The following PLPPR5 variants were observed in gnomAD, a reference collection of about 807,000 sequenced individuals.
PLPPR5 encodes the protein phospholipid phosphatase-related protein type 5.
A neutral mutation model predicts 33.9 loss-of-function variants in PLPPR5; 16 were observed. That is an observed-to-expected ratio of 0.47 (90% CI 0.32 to 0.72). PLPPR5 has a LOEUF of 0.72. PLPPR5 is among the 30% of genes least tolerant of loss of function. PLPPR5 has a pLI of 0.03. For synonymous variants in PLPPR5, 163 were observed against 150.3 expected, an observed-to-expected ratio of 1.08 and a Z score of -0.62; for missense variants, 301 against 406.7, an observed-to-expected ratio of 0.74 and a Z score of 2.23.
At chr1:98,911,752 C>A (rs1004819575) in intron 5 of PLPPR5, among the ~76,000 whole-genome samples, 7 of 151,736 alleles carry the variant, frequency 4.6e-5, no homozygotes, top group African/African-American at 1.5e-4. Context: ...ATTTCACAAC[C>A]CTTTTTTTTT....
At chr1:98,962,936 A>T (rs887207823) in intron 1 of PLPPR5, among the ~76,000 whole-genome samples, 1 of 152,180 alleles carries the variant, frequency 6.6e-6, no homozygotes, top group African/African-American at 2.4e-5. Flanking sequence ...GGCATGAGCC[A>T]CCACACCCAG....
At chr1:98,896,421 T>G (rs2101131077) in intron 5 of PLPPR5, among the ~76,000 whole-genome samples, 1 of 152,216 alleles carries the variant, frequency 6.6e-6, no homozygotes, top group Non-Finnish European at 1.5e-5. Flanking sequence ...AAAAAAGCAG[T>G]AGGCAAACCA....
intron 1 of PLPPR5, among the ~76,000 whole-genome samples, chr1:98,992,579 T>G (rs1458985847): frequency 6.6e-6 from 1 of 152,166 alleles, no homozygotes; most frequent in Non-Finnish European, 1.5e-5. Context: ...AAGTTTCAAA[T>G]GTAGTGTTAC....
chr1:98,944,394 T>C (rs1263276190), intron 3 of PLPPR5, among the ~76,000 whole-genome samples: 1 of 152,200 alleles, frequency 6.6e-6, no homozygotes, highest in Non-Finnish European at 1.5e-5. Flanking sequence ...CAAATTTATA[T>C]GTTGAGATCC....
chr1:98,936,660 G>A (rs1029775129), intron 3 of PLPPR5, among the ~76,000 whole-genome samples: 3 of 152,172 alleles, frequency 2.0e-5, no homozygotes, highest in African/African-American at 7.2e-5. Flanking sequence ...AGGTGTATCA[G>A]ACAGTCTCTG....
At chr1:98,964,219 T>C (rs771248558) in intron 1 of PLPPR5, among the ~76,000 whole-genome samples, 5 of 152,242 alleles carry the variant, frequency 3.3e-5, no homozygotes, top group African/African-American at 7.2e-5. Context: ...TAAAACTTCC[T>C]TTCTTCTGTG....
rs140792979 is a variant in PLPPR5 at position 98,953,563 on chromosome 1, C to T, written c.371-243G>A. 1.5e-3 allele frequency among the ~76,000 whole-genome samples: 233 copies of T among 152,134 alleles called. 1 individual carries two copies. The highest frequency in any genetic ancestry group is 5.3e-3 in the African/African-American group (221 of 41,482). ...GTCTACTACTGGTTTTTGGGCATGG[C>T]AGGTTTATAAGACATAAGATAAAAT... is the stretch of plus-strand genomic sequence containing the variant. On this transcript the variant is annotated intron_variant, in intron 2 of 5. Transcript: ENST00000263177.
At chr1:98,931,754 C>T (rs562044356) in intron 3 of PLPPR5, among the ~76,000 whole-genome samples, 119 of 151,880 alleles carry the variant, frequency 7.8e-4, no homozygotes, top group South Asian at 4.4e-3. Context: ...TTAACGGGGG[C>T]CAGGTTCAAA....
intron 1 of PLPPR5, among the ~76,000 whole-genome samples, chr1:98,996,005 CAATATAAAGTAT>C (rs966356006): frequency 1.9e-4 from 29 of 151,850 alleles, no homozygotes; most frequent in African/African-American, 6.5e-4. Flanking sequence ...AAATAAAATA[CAATATAAAGTAT>C]AATATAAAGT....
chr1:98,998,180 A>G (rs1393383998), intron 1 of PLPPR5, among the ~76,000 whole-genome samples: 1 of 152,150 alleles, frequency 6.6e-6, no homozygotes, highest in Non-Finnish European at 1.5e-5. Flanking sequence ...GAAAGTATCT[A>G]AGTGAACCAA....
At chr1:98,903,178 T>C (rs1032326050) in intron 5 of PLPPR5, among the ~76,000 whole-genome samples, 1 of 152,158 alleles carries the variant, frequency 6.6e-6, no homozygotes, top group Non-Finnish European at 1.5e-5. Context: ...CATGTAAATA[T>C]TGACTTACTT....
At chr1:98,904,358 G>GA (rs1648818453) in intron 5 of PLPPR5, among the ~76,000 whole-genome samples, 1 of 148,878 alleles carries the variant, frequency 6.7e-6, no homozygotes, top group Admixed American at 6.8e-5. Flanking sequence ...GGTTTAGATG[G>GA]AAAAAATCAT....
At chr1:98,952,737 T>C (rs1201616062) in intron 3 of PLPPR5, among the ~76,000 whole-genome samples, 2 of 152,178 alleles carry the variant, frequency 1.3e-5, no homozygotes, top group South Asian at 2.1e-4. Flanking sequence ...GGTAGTTCTC[T>C]TCATCGTGCT....
intron 1 of PLPPR5, among the ~76,000 whole-genome samples, chr1:98,988,611 T>C (rs1419937262): frequency 2.0e-5 from 3 of 152,118 alleles, no homozygotes; most frequent in African/African-American, 7.2e-5. Flanking sequence ...ACAAATCTCA[T>C]GCCTGATGTG....
chr1:98,938,446 T>C (rs566651010), intron 3 of PLPPR5, among the ~76,000 whole-genome samples: 198 of 148,720 alleles, frequency 1.3e-3, no homozygotes, highest in African/African-American at 4.5e-3. Flanking sequence ...AAGTATAGTA[T>C]TTTTACTGGG....
intron 5 of PLPPR5, among the ~76,000 whole-genome samples, chr1:98,907,642 T>G (rs527886186): frequency 6.6e-6 from 1 of 152,340 alleles, no homozygotes; most frequent in East Asian, 1.9e-4. Flanking sequence ...TTTCCTAAAA[T>G]GAATGGGAAA....
intron 1 of PLPPR5, among the ~76,000 whole-genome samples, chr1:98,987,310 T>A (rs1357996934): frequency 6.6e-6 from 1 of 151,836 alleles, no homozygotes; most frequent in East Asian, 1.9e-4. Context: ...GGGAAGCACT[T>A]TCAAATATTA....
At chr1:98,943,619 A>T (rs1177997483) in intron 3 of PLPPR5, among the ~76,000 whole-genome samples, 1 of 152,234 alleles carries the variant, frequency 6.6e-6, no homozygotes, top group Admixed American at 6.5e-5. Context: ...ACTTGACAAG[A>T]GGAGTAACTA....
chr1:98,940,319 GTCTCT>G (rs1482343111), intron 3 of PLPPR5, among the ~76,000 whole-genome samples: 1 of 151,782 alleles, frequency 6.6e-6, no homozygotes, highest in Non-Finnish European at 1.5e-5. Flanking sequence ...GCTCTCTGCT[GTCTCT>G]TCTTATAAGG....
Sources: allele counts gnomAD v4.1 joint callset (sites outside exome capture counted in the v4.1 genomes callset), GRCh38; gene constraint gnomAD v4.1.1; transcripts MANE v1.5; gene names NCBI Gene and HGNC (gene_info 2026-07-23, HGNC 2026-07-21).